GLIS1: variants seen among roughly 807,000 people sequenced by gnomAD.
GLIS1 encodes zinc finger protein GLIS1.
Under a neutral mutation model 63.8 loss-of-function variants are expected in GLIS1, and 24 were observed. That is an observed-to-expected ratio of 0.38 (90% CI 0.27 to 0.53). The LOEUF is 0.53. GLIS1 is among the 20% of genes least tolerant of loss of function. The pLI is 0.85. For synonymous variants in GLIS1, 450 were observed against 482.5 expected, an observed-to-expected ratio of 0.93 and a Z score of 0.88; for missense variants, 1,036 against 1,074.1, an observed-to-expected ratio of 0.96 and a Z score of 0.50.
intron 2 of GLIS1, among the ~76,000 whole-genome samples, chr1:53,675,174 T>C (rs912437887): frequency 1.3e-5 from 2 of 152,148 alleles, no homozygotes. Flanking sequence ...TCCAGCATCC[T>C]GAAATTCCCC....
At chr1:53,662,331 C>T (rs955007455) in intron 2 of GLIS1, among the ~76,000 whole-genome samples, 1 of 152,186 alleles carries the variant, frequency 6.6e-6, no homozygotes, top group Non-Finnish European at 1.5e-5. Context: ...CCCCGCAGGA[C>T]CCAAGAGAAA....
chr1:53,687,347 G>A (rs898448740), intron 2 of GLIS1, among the ~76,000 whole-genome samples: 1 of 152,180 alleles, frequency 6.6e-6, no homozygotes, highest in Non-Finnish European at 1.5e-5. Flanking sequence ...GAAAGAAAGA[G>A]TCTCCTAAGG....
intron 5 of GLIS1, among the ~76,000 whole-genome samples, 169 bp downstream of exon 5, chr1:53,529,622 C>T (rs1268143924): frequency 6.6e-6 from 1 of 152,182 alleles, no homozygotes; most frequent in Non-Finnish European, 1.5e-5. Flanking sequence ...GGGATAACTG[C>T]TAAACATTCT....
intron 8 of GLIS1, among the ~76,000 whole-genome samples, chr1:53,513,736 G>T (rs1165434269): frequency 1.3e-5 from 2 of 152,230 alleles, no homozygotes; most frequent in African/African-American, 2.4e-5. Context: ...GCCCACAGGG[G>T]CTCCATAATT....
chr1:53,699,316 G>A (rs1055859128), intron 2 of GLIS1, among the ~76,000 whole-genome samples: 3 of 152,058 alleles, frequency 2.0e-5, no homozygotes, highest in Admixed American at 6.6e-5. Context: ...CACCCACCTC[G>A]GCCTCCCAAA....
At chr1:53,521,554 G>A (rs1644409137) in intron 6 of GLIS1, among the ~76,000 whole-genome samples, 1 of 152,182 alleles carries the variant, frequency 6.6e-6, no homozygotes, top group Admixed American at 6.5e-5. Context: ...GCCATGAGGA[G>A]TAATGACACA....
intron 2 of GLIS1, among the ~76,000 whole-genome samples, chr1:53,650,571 C>T (rs1040159907): frequency 1.3e-4 from 16 of 123,556 alleles, no homozygotes; most frequent in African/African-American, 4.9e-4. Context: ...ACCTGGGCAA[C>T]AGAGTGAGAC....
chr1:53,553,372 A>G (rs502312), intron 4 of GLIS1, among the ~76,000 whole-genome samples: 31,841 of 151,862 alleles, frequency 0.21, 3,691 homozygotes, highest in African/African-American at 0.31. Flanking sequence ...CCATTCATCC[A>G]TTCATCCACC....
At chr1:53,723,315 A>C (rs1646774993) in intron 2 of GLIS1, among the ~76,000 whole-genome samples, 1 of 149,588 alleles carries the variant, frequency 6.7e-6, no homozygotes. Context: ...AGCTCACTGC[A>C]ACCTCTACCT....
chr1:53,687,660 C>A (rs1287581796), intron 2 of GLIS1, among the ~76,000 whole-genome samples: 1 of 152,186 alleles, frequency 6.6e-6, no homozygotes, highest in Non-Finnish European at 1.5e-5. Flanking sequence ...CAGGTCAGAG[C>A]CCCCGCCGCC....
At chr1:53,546,989 G>A (rs1432493713) in intron 4 of GLIS1, among the ~76,000 whole-genome samples, 1 of 152,210 alleles carries the variant, frequency 6.6e-6, no homozygotes. Context: ...GGTCCTGACT[G>A]GCCTCTTATT....
chr1:53,683,379 A>G (rs914641654), intron 2 of GLIS1, among the ~76,000 whole-genome samples: 1 of 152,126 alleles, frequency 6.6e-6, no homozygotes, highest in Admixed American at 6.5e-5. Flanking sequence ...TAACTTGTGG[A>G]GCACAATGAC....
At chr1:53,730,179 T>C (rs1465377413) in intron 2 of GLIS1, among the ~76,000 whole-genome samples, 4 of 152,088 alleles carry the variant, frequency 2.6e-5, no homozygotes, top group African/African-American at 9.7e-5. Context: ...ATGGGCCCAG[T>C]GACAAGCAAA....
rs577186814 is a variant in GLIS1 at position 53,613,505 on chromosome 1, G to A, written c.260-13227C>T. On this transcript the variant is annotated intron_variant, in intron 2 of 10. Coordinates refer to ENST00000628545, the MANE Select transcript of GLIS1 (RefSeq NM_001367484.1). ...TAGAAGAATGAGTAAGTAAATTATTGTGAAGTTATTCAGCAGAAATTTTAT... is the reference window on the plus strand; with the variant it reads ...TAGAAGAATGAGTAAGTAAATTATTATGAAGTTATTCAGCAGAAATTTTAT... Among the ~76,000 whole-genome samples the A allele has an allele frequency of 5.9e-5, 9 of 152,294 alleles. 1 individual carries two copies. The South Asian group carries it at 1.5e-3, about 25-fold the overall frequency.
At chr1:53,540,436 G>A (rs1397284095) in intron 4 of GLIS1, among the ~76,000 whole-genome samples, 1 of 152,138 alleles carries the variant, frequency 6.6e-6, no homozygotes, top group African/African-American at 2.4e-5. Context: ...CCCCAGGGAT[G>A]GCCTGGGGCT....
At chr1:53,620,938 T>C (rs1227268081) in intron 2 of GLIS1, among the ~76,000 whole-genome samples, 1 of 152,068 alleles carries the variant, frequency 6.6e-6, no homozygotes, top group African/African-American at 2.4e-5. Context: ...CCCATAGAAA[T>C]GGTTTATCAA....
intron 4 of GLIS1, among the ~76,000 whole-genome samples, chr1:53,591,458 A>G (rs982179715): frequency 2.0e-5 from 3 of 152,258 alleles, no homozygotes; most frequent in African/African-American, 7.2e-5. Context: ...TGCAGTTTGG[A>G]AAGATGTAGG....
intron 2 of GLIS1, among the ~76,000 whole-genome samples, chr1:53,641,959 G>A (rs761768268): frequency 4.6e-5 from 7 of 152,194 alleles, no homozygotes; most frequent in Non-Finnish European, 8.8e-5. Context: ...CCCATCCTGG[G>A]CTGACCCCGA....
At chr1:53,515,763 G>A (rs948004963) in intron 7 of GLIS1, among the ~76,000 whole-genome samples, 2 of 145,330 alleles carry the variant, frequency 1.4e-5, no homozygotes, top group Admixed American at 7.0e-5. Flanking sequence ...TGGGACTGGA[G>A]CCTAAGAAAG....
Sources: gnomAD v4.1 joint callset for allele counts (sites outside exome capture counted in the v4.1 genomes callset) on GRCh38, gnomAD v4.1.1 for gene constraint, MANE v1.5 for transcripts, NCBI Gene and HGNC (gene_info 2026-07-23, HGNC 2026-07-21) for gene names.